The following GLDN variants were observed in gnomAD, a reference collection of about 807,000 sequenced individuals.
GLDN encodes gliomedin.
Under a neutral mutation model 56.5 loss-of-function variants are expected in GLDN, and 47 were observed. The ratio of observed to expected loss-of-function variants is 0.83; its 90% confidence interval spans 0.66 to 1.06. The LOEUF (loss-of-function observed/expected upper bound fraction) is 1.06, where lower values mean the gene tolerates loss of function less well. Ranked by LOEUF, GLDN falls within the 50% of genes least tolerant of loss-of-function variation. The pLI is 0.00. For synonymous variants in GLDN, 332 were observed against 278.8 expected, an observed-to-expected ratio of 1.19 and a Z score of -1.90; for missense variants, 782 against 714.3, an observed-to-expected ratio of 1.09 and a Z score of -1.08.
At chr15:51,404,100 T>C (rs78329489) in intron 9 of GLDN, among the ~76,000 whole-genome samples, 177 bp from the exon 10 acceptor site, 1,658 of 152,298 alleles carry the variant, frequency 0.011, 15 homozygotes, top group Admixed American at 0.023. Flanking sequence ...ACAGCCTCAC[T>C]GCTCACAGCA....
At chr15:51,391,167 C>T (rs940236068) in intron 4 of GLDN, among the ~76,000 whole-genome samples, 2 of 152,162 alleles carry the variant, frequency 1.3e-5, no homozygotes, top group African/African-American at 4.8e-5. Flanking sequence ...ATGCATTTCC[C>T]AACCACAGTA....
At chr15:51,377,847 G>A (rs2037668654) in intron 2 of GLDN, among the ~76,000 whole-genome samples, 1 of 152,206 alleles carries the variant, frequency 6.6e-6, no homozygotes. Flanking sequence ...TCTTTTATCA[G>A]AAGTACTTAT....
downstream of GLDN, among the ~76,000 whole-genome samples, chr15:51,412,789 T>C (rs1455741165): frequency 6.6e-6 from 1 of 152,194 alleles, no homozygotes; most frequent in South Asian, 2.1e-4. Flanking sequence ...TTTGTACTAA[T>C]GTTTTATTAA....
chr15:51,366,347 C>T (rs921396587), intron 1 of GLDN, among the ~76,000 whole-genome samples: 1 of 152,202 alleles, frequency 6.6e-6, no homozygotes, highest in African/African-American at 2.4e-5. Flanking sequence ...AAGGACTTGT[C>T]ATTACTGAGT....
chr15:51,382,755 C>T (rs1007316477), intron 2 of GLDN, among the ~76,000 whole-genome samples: 3 of 144,312 alleles, frequency 2.1e-5, no homozygotes, highest in Admixed American at 2.0e-4. Context: ...AGAAAAGAAA[C>T]AAAAGGAACT....
intron 6 of GLDN, among the ~76,000 whole-genome samples, chr15:51,398,948 G>A (rs986178767): frequency 1.1e-4 from 16 of 152,218 alleles, no homozygotes; most frequent in African/African-American, 2.4e-5. Flanking sequence ...CCAGGGGGCT[G>A]GATCGGCAGG....
At position 51,364,119 on chromosome 15, in the gene GLDN, T is replaced by A. The variant is rs2037355974; in HGVS notation, c.364-13330T>A. Among the ~76,000 whole-genome samples the A allele has an allele frequency of 2.0e-5, 3 of 152,196 alleles. No homozygotes were observed. In the South Asian group the frequency reaches 6.2e-4, roughly 31 times the overall value. ...GCTTGTTGAATCTATGGGTTTATAG[T>A]TTTAATTGAATTTTGGAATTTTTTT... On this transcript the variant is annotated intron_variant, in intron 1 of 9. Coordinates refer to ENST00000335449, the MANE Select transcript of GLDN (RefSeq NM_181789.4).
chr15:51,383,738 T>A, intron 3 of GLDN, 47 bp from the exon 4 acceptor site: 2 of 1,128,318 alleles, frequency 1.8e-6, no homozygotes, highest in Non-Finnish European at 1.2e-6. Flanking sequence ...GTGAATAATT[T>A]TTTTTTTTTT....
chr15:51,392,720 TATCACGTTA>T (rs2038049072), intron 4 of GLDN, among the ~76,000 whole-genome samples: 1 of 151,972 alleles, frequency 6.6e-6, no homozygotes, highest in African/African-American at 2.4e-5. Context: ...AACTGTGGGG[TATCACGTTA>T]ATTGATCCAT....
intron 2 of GLDN, among the ~76,000 whole-genome samples, chr15:51,380,629 C>T (rs1202130673): frequency 6.6e-6 from 1 of 152,176 alleles, no homozygotes; most frequent in Non-Finnish European, 1.5e-5. Flanking sequence ...GGCTGTCTTC[C>T]TTTCTCTTCT....
chr15:51,370,035 G>C (rs1053971062), intron 1 of GLDN, among the ~76,000 whole-genome samples: 8 of 152,198 alleles, frequency 5.3e-5, no homozygotes, highest in Non-Finnish European at 1.2e-4. Context: ...AGGATCTCCT[G>C]AGCCTGGGAG....
At chr15:51,352,749 C>T (rs1312152522) in intron 1 of GLDN, among the ~76,000 whole-genome samples, 1 of 152,206 alleles carries the variant, frequency 6.6e-6, no homozygotes, top group East Asian at 1.9e-4. Flanking sequence ...AAAATTATGA[C>T]AGTGAAAGAA....
chr15:51,342,052 G>A lies in GLDN; in HGVS notation c.363+5G>A. ...ATGACCTACTCCATGGTGCCGGTAG[G>A]CGGGGTCTCTGTTCCCCGTGGCGCC... is the stretch of plus-strand genomic sequence containing the variant. On this transcript the variant is annotated splice_donor_5th_base_variant and intron_variant, in intron 1 of 9. Coordinates refer to ENST00000335449, the MANE Select transcript of GLDN (RefSeq NM_181789.4). 4 of 1,592,092 alleles carry A rather than the reference G, an allele frequency of 2.5e-6. No homozygotes were observed. Among genetic ancestry groups the A allele is most frequent in the Non-Finnish European group, 3.4e-6 (4 of 1,177,152 alleles).
At position 51,404,799 on chromosome 15, in the gene GLDN, G is replaced by A. The variant is rs1401845614; in HGVS notation, c.*45G>A. 1 of 960,198 alleles carries A rather than the reference G, an allele frequency of 1.0e-6. No individual in the cohort carries two copies. Among genetic ancestry groups the A allele is most frequent in the South Asian group, 1.5e-5 (1 of 66,540 alleles). The allele number at this position is 960,198 out of a possible 1,614,324, so 59.5% of individuals were successfully genotyped here. A position where few individuals can be genotyped will look rare whatever the true frequency, so the allele number is the denominator to read the frequency against. ...TTCAGCAAATTTCAGGGGTTTTCTG[G>A]GACCAGTTCTCCCCCAACAGGAAAC... On this transcript the variant is annotated 3_prime_UTR_variant, in exon 10 of 10. Coordinates refer to ENST00000335449, the MANE Select transcript of GLDN (RefSeq NM_181789.4).
intron 1 of GLDN, among the ~76,000 whole-genome samples, chr15:51,370,743 G>A (rs941391937): frequency 6.6e-6 from 1 of 152,108 alleles, no homozygotes; most frequent in African/African-American, 2.4e-5. Context: ...TGTAATCCCA[G>A]CACTTTGGGA....
chr15:51,408,309 A>G (rs1307106241), downstream of GLDN, among the ~76,000 whole-genome samples: 1 of 152,248 alleles, frequency 6.6e-6, no homozygotes, highest in East Asian at 1.9e-4. Context: ...ATTTGAGGCT[A>G]AAAATTGAAA....
At chr15:51,401,555 A>G (rs117703163) in intron 8 of GLDN, 38 bp from the exon 9 acceptor site, 41 of 1,586,462 alleles carry the variant, frequency 2.6e-5, no homozygotes, top group Non-Finnish European at 3.0e-5. Context: ...TGATTGCTGG[A>G]GGTAGGTAAC....
intron 1 of GLDN, among the ~76,000 whole-genome samples, chr15:51,349,060 A>G (rs2037029363): frequency 6.6e-6 from 1 of 152,160 alleles, no homozygotes; most frequent in South Asian, 2.1e-4. Flanking sequence ...TCCTGTCACT[A>G]CGGCTTTTCA....
rs749209824 is a variant in GLDN at position 51,401,688 on chromosome 15, G to A, written c.1123G>A (p.Val375Ile). ...LPYYFHGCGH[V>I]VYNNSLYYHK... ...ATACTATTTCCATGGCTGTGGGCAC[G>A]TTGTTTACAACAACTCTCTCTACTA... The change falls in exon 9 of 10, where the codon GTT (valine) becomes ATT (isoleucine). Residue 375 changes from valine to isoleucine, a missense_variant. By Grantham distance (29) the Val-to-Ile change is conservative. Transcript: ENST00000335449. The A allele has an allele frequency of 2.2e-5, 36 of 1,613,978 alleles. No homozygotes were observed. Among genetic ancestry groups the A allele is most frequent in the African/African-American group, 2.7e-5 (2 of 74,918 alleles).
Sources: allele counts gnomAD v4.1 joint callset (sites outside exome capture counted in the v4.1 genomes callset), GRCh38; gene constraint gnomAD v4.1.1; transcripts MANE v1.5; gene names NCBI Gene and HGNC (gene_info 2026-07-23, HGNC 2026-07-21).